The following EYS variants were observed in gnomAD, a reference collection of about 807,000 sequenced individuals.
The protein encoded by EYS is EGF-like photoreceptor maintenance factor.
Under a neutral mutation model 282.1 loss-of-function variants are expected in EYS, and 250 were observed. The observed-to-expected ratio is 0.89, with a 90% confidence interval of 0.80 to 0.98. EYS has a LOEUF of 0.98. Ranked by LOEUF, EYS falls within the 50% of genes least tolerant of loss-of-function variation. The pLI, the probability that EYS is intolerant of heterozygous loss-of-function variation, is 0.00. For missense variants in EYS, 4,016 were observed against 3,709.0 expected, an observed-to-expected ratio of 1.08 and a Z score of -2.15; for synonymous variants, 1,355 against 1,282.9, an observed-to-expected ratio of 1.06 and a Z score of -1.20.
intron 12 of EYS, among the ~76,000 whole-genome samples, chr6:65,185,036 A>AG (rs1031944049): frequency 7.0e-6 from 1 of 143,106 alleles, no homozygotes; most frequent in South Asian, 2.1e-4. Flanking sequence ...TAAAAAAGAA[A>AG]GAAAAAAAAA....
intron 2 of EYS, among the ~76,000 whole-genome samples, chr6:65,500,568 G>A (rs1766413943): frequency 1.3e-5 from 2 of 151,884 alleles, no homozygotes. Context: ...TATGGAAGAA[G>A]AGTAATTAAG....
intron 31 of EYS, among the ~76,000 whole-genome samples, chr6:64,127,467 C>G (rs559939368): frequency 6.6e-6 from 1 of 152,148 alleles, no homozygotes; most frequent in South Asian, 2.1e-4. Context: ...TTATTGCTGT[C>G]TAATATTAAC....
At chr6:65,031,732 G>T (rs1772611708) in intron 13 of EYS, among the ~76,000 whole-genome samples, 1 of 152,018 alleles carries the variant, frequency 6.6e-6, no homozygotes, top group South Asian at 2.1e-4. Flanking sequence ...TGTGAAAGTT[G>T]TGTTAAAAGC....
At chr6:64,113,018 A>G (rs2150267680) in intron 31 of EYS, among the ~76,000 whole-genome samples, 1 of 152,126 alleles carries the variant, frequency 6.6e-6, no homozygotes, top group South Asian at 2.1e-4. Context: ...TTTTCATTCT[A>G]TCTGTTCCTT....
chr6:65,515,289 C>T (rs1485694587), intron 2 of EYS, among the ~76,000 whole-genome samples: 1 of 151,950 alleles, frequency 6.6e-6, no homozygotes, highest in African/African-American at 2.4e-5. Flanking sequence ...AGTCAGGAAA[C>T]AACAGGTGCT....
intron 26 of EYS, among the ~76,000 whole-genome samples, chr6:64,542,408 A>T (rs1764717501): frequency 6.6e-6 from 1 of 151,984 alleles, no homozygotes; most frequent in South Asian, 2.1e-4. Context: ...GGGAGGAAAA[A>T]CCTCTCAATT....
intron 22 of EYS, among the ~76,000 whole-genome samples, chr6:64,736,897 T>A (rs1248051055): frequency 6.6e-6 from 1 of 152,104 alleles, no homozygotes; most frequent in African/African-American, 2.4e-5. Context: ...AAAGAAAAAT[T>A]GTATAAAAAT....
chr6:63,739,710 C>G (rs142118927), intron 41 of EYS, among the ~76,000 whole-genome samples: 1 of 151,896 alleles, frequency 6.6e-6, no homozygotes, highest in African/African-American at 2.4e-5. Context: ...CCCCCCACCC[C>G]CAAGACAGAG....
intron 16 of EYS, among the ~76,000 whole-genome samples, chr6:64,902,799 C>T (rs1270022776): frequency 2.0e-5 from 3 of 151,978 alleles, no homozygotes; most frequent in African/African-American, 7.2e-5. Context: ...AATGTTTGAA[C>T]AAGAAGAATT....
At chr6:64,185,693 C>T (rs1764916520) in intron 31 of EYS, among the ~76,000 whole-genome samples, 1 of 152,086 alleles carries the variant, frequency 6.6e-6, no homozygotes, top group Non-Finnish European at 1.5e-5. Context: ...CATTCATTTT[C>T]CTTTTCCGTG....
intron 35 of EYS, among the ~76,000 whole-genome samples, chr6:63,888,609 A>C (rs1438853405): frequency 6.6e-6 from 1 of 152,178 alleles, no homozygotes; most frequent in African/African-American, 2.4e-5. Flanking sequence ...AACAAAAAGG[A>C]TGACCATGCA....
intron 24 of EYS, among the ~76,000 whole-genome samples, chr6:64,610,190 A>C (rs1767063782): frequency 6.6e-6 from 1 of 152,172 alleles, no homozygotes; most frequent in South Asian, 2.1e-4. Flanking sequence ...ATTGAAGTCT[A>C]AAATGTTAAG....
intron 2 of EYS, among the ~76,000 whole-genome samples, chr6:65,586,172 T>G (rs1298773193): frequency 2.0e-5 from 3 of 152,098 alleles, no homozygotes; most frequent in Admixed American, 1.3e-4. Context: ...CATTTTACTT[T>G]AATCAAAATA....
chr6:64,234,834 T>C (rs1406268614), intron 30 of EYS, among the ~76,000 whole-genome samples: 1 of 151,900 alleles, frequency 6.6e-6, no homozygotes, highest in Non-Finnish European at 1.5e-5. Flanking sequence ...TTTAGTGTAA[T>C]GTTTTCAAGG....
chr6:63,857,070 A>G (rs1772412251), intron 36 of EYS, among the ~76,000 whole-genome samples: 1 of 152,216 alleles, frequency 6.6e-6, no homozygotes. Context: ...TTCTTACTGA[A>G]CATTTCCAGG....
chr6:64,253,990 C>T (rs982836563), intron 30 of EYS, among the ~76,000 whole-genome samples: 3 of 152,080 alleles, frequency 2.0e-5, no homozygotes, highest in African/African-American at 7.2e-5. Context: ...AACTTCCCCT[C>T]ATTCTGGGAA....
intron 12 of EYS, among the ~76,000 whole-genome samples, chr6:65,275,154 T>C (rs1768012461): frequency 6.6e-6 from 1 of 152,180 alleles, no homozygotes; most frequent in Admixed American, 6.5e-5. Flanking sequence ...GGCATTCTGT[T>C]TGGAGCCTTT....
intron 5 of EYS, among the ~76,000 whole-genome samples, chr6:65,405,910 T>G (rs1443256019): frequency 6.6e-6 from 1 of 152,092 alleles, no homozygotes; most frequent in African/African-American, 2.4e-5. Context: ...GAATATGCTT[T>G]TTTTATATTT....
intron 35 of EYS, among the ~76,000 whole-genome samples, chr6:63,948,651 C>A (rs1295662433): frequency 1.3e-5 from 2 of 151,946 alleles, no homozygotes; most frequent in African/African-American, 4.8e-5. Flanking sequence ...TCTCCTGAAC[C>A]AATTTTTTTT....
Sources: gnomAD v4.1 joint callset for allele counts (sites outside exome capture counted in the v4.1 genomes callset) on GRCh38, gnomAD v4.1.1 for gene constraint, MANE v1.5 for transcripts, NCBI Gene and HGNC (gene_info 2026-07-23, HGNC 2026-07-21) for gene names.